CBFA2T3: variants seen among roughly 807,000 people sequenced by gnomAD.
CBFA2T3 encodes CBFA2/RUNX1 partner transcriptional co-repressor 3.
A neutral mutation model predicts 58.6 loss-of-function variants in CBFA2T3; 31 were observed. The observed-to-expected ratio is 0.53, with a 90% CI of 0.40 to 0.71. CBFA2T3 has a LOEUF of 0.71. Ranked by LOEUF, CBFA2T3 falls within the 30% of genes least tolerant of loss-of-function variation. The pLI is 0.00. For missense variants in CBFA2T3, 1,076 were observed against 963.1 expected (o/e 1.12, Z -1.55); for synonymous variants, 531 against 421.9 (o/e 1.26, Z -3.17).
chr16:88,885,120 G>T lies in CBFA2T3; in HGVS notation c.1043C>A (p.Ala348Asp). ...PPPHYRLEDIAMAHHFRDAYR... is the reference protein window; with the variant it reads ...PPPHYRLEDIDMAHHFRDAYR... ...GGCATCTCGGAAGTGGTGGGCCATGGCTATGTCCTCCAGGCGGTAGTGCGG... is the reference window on the plus strand; with the variant it reads ...GGCATCTCGGAAGTGGTGGGCCATGTCTATGTCCTCCAGGCGGTAGTGCGG... The change falls in exon 7 of 12, where the codon GCC (alanine) becomes GAC (aspartate). Residue 348 changes from alanine to aspartate, a missense_variant. By Grantham distance (126) the Ala-to-Asp change is moderately radical (BLOSUM62 -2). Transcript: ENST00000268679. This position sits in a 1 kb window ranked among gnomAD's most constrained non-coding sequence, Gnocchi z 5.3. 2 of 1,602,668 alleles carry T rather than the reference G, an allele frequency of 1.2e-6. No individual in the cohort carries two copies. Among genetic ancestry groups the T allele is most frequent in the Non-Finnish European group, 1.7e-6 (2 of 1,177,108 alleles).
chr16:88,929,365 G>A lies in CBFA2T3; in HGVS notation c.152-27709C>T, dbSNP rs371143557. Among the ~76,000 whole-genome samples the A allele has an allele frequency of 3.7e-3, 568 of 152,326 alleles. 1 individual carries two copies. The highest frequency in any genetic ancestry group is 6.4e-3 in the Non-Finnish European group (437 of 68,020). On this transcript the variant is annotated intron_variant, in intron 1 of 11. Coordinates refer to ENST00000268679, the MANE Select transcript of CBFA2T3 (RefSeq NM_005187.6). ...CTCCCACGGGCCTGCGGGAGGACCC[G>A]GTGACAGCAAGGCCAAGCCCCCTGC...
chr16:88,959,847 G>A (rs556538114), intron 1 of CBFA2T3, among the ~76,000 whole-genome samples: 35 of 152,230 alleles, frequency 2.3e-4, no homozygotes, highest in African/African-American at 8.4e-4. Flanking sequence ...CCAACATGGT[G>A]AAACTCCATC....
chr16:88,878,346 C>T (rs1458847017), intron 11 of CBFA2T3, among the ~76,000 whole-genome samples: 2 of 152,250 alleles, frequency 1.3e-5, no homozygotes, highest in Non-Finnish European at 1.5e-5. Flanking sequence ...GATGGGGCTC[C>T]ATCTCCTCCC....
At position 88,893,086 on chromosome 16, in the gene CBFA2T3, G is replaced by A. The variant is rs139307176; in HGVS notation, c.380-601C>T. Among the ~76,000 whole-genome samples, 661 of 152,186 alleles carry A rather than the reference G, an allele frequency of 4.3e-3. 6 individuals are homozygous for A. The highest frequency in any genetic ancestry group is 0.015 in the African/African-American group (622 of 41,512). On this transcript the variant is annotated intron_variant, in intron 3 of 11. Transcript: ENST00000268679. Reference sequence around the variant, plus strand: ...CAGGAGACTTGGAAAATGAGAAGTCGCTCATCCCCCGAAAGGCCAGCTACC... The same window carrying A: ...CAGGAGACTTGGAAAATGAGAAGTCACTCATCCCCCGAAAGGCCAGCTACC...
At chr16:88,879,239 GA>G (rs758385888) in intron 11 of CBFA2T3, 30 bp downstream of exon 11, 7 of 1,557,674 alleles carry the variant, frequency 4.5e-6, no homozygotes, top group Non-Finnish European at 6.1e-6. Context: ...CGAGGCAGGG[GA>G]TGGGTGTCAG....
At chr16:88,960,292 G>T (rs971473754) in intron 1 of CBFA2T3, among the ~76,000 whole-genome samples, 1 of 152,204 alleles carries the variant, frequency 6.6e-6, no homozygotes, top group Non-Finnish European at 1.5e-5. Context: ...CTGTGAAATG[G>T]GACTGCGTCA....
At chr16:88,907,801 A>G (rs1281782251) in intron 1 of CBFA2T3, among the ~76,000 whole-genome samples, 1 of 152,224 alleles carries the variant, frequency 6.6e-6, no homozygotes, top group African/African-American at 2.4e-5. Flanking sequence ...ACCCCAGAGC[A>G]GGGGCTTTGC....
At position 88,953,631 on chromosome 16, in the gene CBFA2T3, G is replaced by A. The variant is rs766740624; in HGVS notation, c.151+23026C>T. Among the ~76,000 whole-genome samples the A allele has an allele frequency of 1.3e-5, 2 of 152,172 alleles. No homozygotes were observed. The highest frequency in any genetic ancestry group is 2.4e-5 in the African/African-American group (1 of 41,432). On this transcript the variant is annotated intron_variant, in intron 1 of 11. Coordinates refer to ENST00000268679, the MANE Select transcript of CBFA2T3 (RefSeq NM_005187.6). The surrounding 1 kb of genome is among the most constrained non-coding windows in gnomAD (Gnocchi z 4.9). ...CAGCAGGAGTGGCCGGGACGATGAC[G>A]AGGTGAGGTGTCTGCTCCCAGGCTG...
intron 1 of CBFA2T3, among the ~76,000 whole-genome samples, chr16:88,924,628 C>G (rs995359038): frequency 6.6e-6 from 1 of 152,200 alleles, no homozygotes; most frequent in African/African-American, 2.4e-5. Flanking sequence ...CAGCACAGGA[C>G]AAGCCTTGTG....
intron 5 of CBFA2T3, among the ~76,000 whole-genome samples, chr16:88,887,557 T>G (rs1969429406): frequency 6.6e-6 from 1 of 151,848 alleles, no homozygotes; most frequent in Non-Finnish European, 1.5e-5. Flanking sequence ...CAGGAAAGGG[T>G]GCAGAGAACC....
In CBFA2T3 at chr16:88,933,243, T is replaced by C. The variant is rs926196406; in HGVS notation, c.152-31587A>G. On this transcript the variant is annotated intron_variant, in intron 1 of 11. Coordinates refer to ENST00000268679, the MANE Select transcript of CBFA2T3 (RefSeq NM_005187.6). ...TGTTTTGCGCTCCCCCAGTGCAGGG[T>C]CCCAGACTGCACGCCTCACAGTGCC... Among the ~76,000 whole-genome samples the C allele has an allele frequency of 3.3e-5, 5 of 152,284 alleles. No individual in the cohort carries two copies. In the Middle Eastern group the frequency reaches 0.01, roughly 311 times the overall value.
chr16:88,913,720 AAGGATGTTTGTCAC>A (rs1306669203), intron 1 of CBFA2T3, among the ~76,000 whole-genome samples: 2 of 152,234 alleles, frequency 1.3e-5, no homozygotes, highest in Non-Finnish European at 2.9e-5. Flanking sequence ...AGTGATCTAC[AAGGATGTTTGTCAC>A]AGCATCGTTT....
intron 1 of CBFA2T3, among the ~76,000 whole-genome samples, chr16:88,965,088 TATCCATCC>T (rs1192246574): frequency 2.3e-5 from 3 of 133,104 alleles, no homozygotes; most frequent in South Asian, 2.5e-4. Flanking sequence ...CCCACCCATC[TATCCATCC>T]ATCCATCCAT....
At position 88,891,912 on chromosome 16, in the gene CBFA2T3, A is replaced by C. The variant is rs1174075979; in HGVS notation, c.681T>G (p.Pro227=). ...HSKLQEATNF[P]LRPFVIPFLK... ...GGAAGGGAATGACAAACGGCCGCAG[A>C]GGGAAGTTGGTGGCCTCCTGAAGCT... The change falls in exon 5 of 12, where the codon CCT becomes CCG. Residue 227 remains proline (P), a synonymous_variant. Transcript: ENST00000268679. 1.2e-6 allele frequency: 2 copies of C among 1,613,300 alleles called. No homozygotes were observed.
chr16:88,901,395 G>A (rs1056476876), intron 2 of CBFA2T3, 109 bp downstream of exon 2: 17 of 569,080 alleles, frequency 3.0e-5, no homozygotes, highest in Admixed American at 1.5e-4. Flanking sequence ...CACACTCAGG[G>A]CTCACAGAAG....
chr16:88,884,908 G>A (rs1969294728), intron 7 of CBFA2T3, 138 bp downstream of exon 7: 1 of 638,442 alleles, frequency 1.6e-6, no homozygotes, highest in Non-Finnish European at 2.6e-6. Flanking sequence ...GGAATGCCAG[G>A]CAGGGGGAAG....
rs1480899726 is a variant in CBFA2T3, at chr16:88,976,916, C to A, written c.-109G>T. On this transcript the variant is annotated 5_prime_UTR_variant, in exon 1 of 12. Coordinates refer to ENST00000268679, the MANE Select transcript of CBFA2T3 (RefSeq NM_005187.6). ...AGGGAAAGAGGAGGGGCTGGGCCAGCTGGGGCGTCCTGGAGTTGGGCCTCT... is the reference window on the plus strand; with the variant it reads ...AGGGAAAGAGGAGGGGCTGGGCCAGATGGGGCGTCCTGGAGTTGGGCCTCT... 34 of 1,348,718 alleles carry A rather than the reference C, an allele frequency of 2.5e-5. No individual in the cohort carries two copies. The highest frequency in any genetic ancestry group is 3.3e-5 in the Non-Finnish European group (33 of 1,003,214). The allele number at this position is 1,348,718 out of a possible 1,614,324, so 83.5% of individuals were successfully genotyped here.
chr16:88,943,962 G>A (rs1199922630), intron 1 of CBFA2T3, among the ~76,000 whole-genome samples: 1 of 152,184 alleles, frequency 6.6e-6, no homozygotes, highest in Non-Finnish European at 1.5e-5. Flanking sequence ...GGGCAGAGCC[G>A]TGGAGGAGGG....
chr16:88,975,690 G>A (rs1049560264), intron 1 of CBFA2T3, among the ~76,000 whole-genome samples: 12 of 152,286 alleles, frequency 7.9e-5, no homozygotes, highest in Admixed American at 7.8e-4. Context: ...CCCGGGGTTG[G>A]GAAGTTCCTG....
Sources: gnomAD v4.1 joint callset for allele counts (sites outside exome capture counted in the v4.1 genomes callset) on GRCh38, gnomAD v4.1.1 for gene constraint, Gnocchi (gnomAD v3.1) non-coding constraint, MANE v1.5 for transcripts, NCBI Gene and HGNC (gene_info 2026-07-23, HGNC 2026-07-21) for gene names.